Variants in OPCML observed in about 807,000 individuals in gnomAD.
OPCML encodes opioid binding protein/cell adhesion molecule like, also known as opioid-binding protein/cell adhesion molecule.
In OPCML, 13 loss-of-function variants were observed where a neutral mutation model predicts 37.8. The observed-to-expected ratio is 0.34, with a 90% confidence interval of 0.22 to 0.55. The LOEUF is 0.55. Among genes scored for constraint, OPCML ranks in the 20% least tolerant of loss-of-function variants. OPCML has a pLI of 0.91. For missense variants in OPCML, 341 were observed against 435.6 expected (o/e 0.78, Z 1.93); for synonymous variants, 176 against 168.8 (o/e 1.04, Z -0.33).
intron 1 of OPCML, among the ~76,000 whole-genome samples, chr11:133,388,216 A>G (rs1207031913): frequency 6.6e-6 from 1 of 152,232 alleles, no homozygotes; most frequent in Admixed American, 6.5e-5. Flanking sequence ...AACTATAATC[A>G]TGATATGCTA....
At chr11:132,979,793 A>G (rs921189391) in intron 1 of OPCML, among the ~76,000 whole-genome samples, 2 of 152,180 alleles carry the variant, frequency 1.3e-5, no homozygotes, top group African/African-American at 4.8e-5. Context: ...TTTAACCAGG[A>G]GAATTTGCTG....
chr11:132,754,661 A>C (rs1945973150), intron 2 of OPCML, among the ~76,000 whole-genome samples: 1 of 152,148 alleles, frequency 6.6e-6, no homozygotes, highest in Non-Finnish European at 1.5e-5. Context: ...AAAGAGGATA[A>C]GGGGTGATAG....
At position 133,281,628 on chromosome 11, in the gene OPCML, T is replaced by A. The variant is rs186421275; in HGVS notation, c.61+250636A>T. On this transcript the variant is annotated intron_variant, in intron 1 of 7. Transcript: ENST00000524381. ...GCATAGAGATGCCTGAAAATATGAA[T>A]GTAGCTTTGGAACTGGGTAACAAGC... 3.9e-5 allele frequency among the ~76,000 whole-genome samples: 6 copies of A among 152,000 alleles called. No individual in the cohort carries two copies. In the East Asian group the frequency reaches 9.7e-4, roughly 25 times the overall value.
At chr11:132,632,795 G>A (rs920444347) in intron 3 of OPCML, among the ~76,000 whole-genome samples, 3 of 152,036 alleles carry the variant, frequency 2.0e-5, no homozygotes, top group African/African-American at 4.8e-5. Context: ...ACATCTCTGC[G>A]TTCAGCACGG....
intron 1 of OPCML, among the ~76,000 whole-genome samples, chr11:132,960,716 A>C (rs1478015884): frequency 2.6e-5 from 4 of 152,168 alleles, no homozygotes; most frequent in African/African-American, 9.7e-5. Context: ...CTCTCTGTCA[A>C]GATATCCTGC....
chr11:133,081,467 T>C (rs1305303171), intron 1 of OPCML, among the ~76,000 whole-genome samples: 1 of 152,224 alleles, frequency 6.6e-6, no homozygotes, highest in Non-Finnish European at 1.5e-5. Context: ...TGTAAGGAAT[T>C]CGCAAGTGGC....
intron 3 of OPCML, among the ~76,000 whole-genome samples, chr11:132,623,919 C>T (rs1939581604): frequency 6.6e-6 from 1 of 152,226 alleles, no homozygotes; most frequent in Admixed American, 6.5e-5. Context: ...ACACTACACA[C>T]TTGATATTTG....
chr11:133,010,398 G>C (rs1947192819), intron 1 of OPCML, among the ~76,000 whole-genome samples: 1 of 152,222 alleles, frequency 6.6e-6, no homozygotes, highest in Admixed American at 6.5e-5. Context: ...TGCAAGAGGA[G>C]GCAGCTTGGA....
At chr11:132,599,453 AGAG>A (rs1233000030) in intron 3 of OPCML, among the ~76,000 whole-genome samples, 92 of 149,474 alleles carry the variant, frequency 6.2e-4, no homozygotes, top group Admixed American at 1.1e-3. Flanking sequence ...AGGAGGAGGA[AGAG>A]GAGGAGGAGG....
At chr11:133,223,988 T>A (rs973227509) in intron 1 of OPCML, among the ~76,000 whole-genome samples, 1 of 151,868 alleles carries the variant, frequency 6.6e-6, no homozygotes, top group African/African-American at 2.4e-5. Context: ...TTGGCCCGAG[T>A]GTATTTGGGT....
At chr11:132,637,889 C>T (rs892137429) in intron 3 of OPCML, among the ~76,000 whole-genome samples, 4 of 152,020 alleles carry the variant, frequency 2.6e-5, no homozygotes, top group African/African-American at 4.8e-5. Context: ...ATGTCCTGCT[C>T]AGGATAGTCT....
chr11:132,473,379 C>T (rs1015175561), intron 4 of OPCML, among the ~76,000 whole-genome samples: 4 of 152,202 alleles, frequency 2.6e-5, no homozygotes, highest in African/African-American at 7.2e-5. Context: ...GTAAGTGAGG[C>T]AGCCCTACCA....
intron 1 of OPCML, chr11:133,361,547 G>GTTCC (rs1944419183): frequency 6.3e-6 from 1 of 158,034 alleles, no homozygotes; most frequent in African/African-American, 2.4e-5. Context: ...CGCGCAGACA[G>GTTCC]GTCCGGGGCA....
At chr11:133,103,171 G>A (rs1949110682) in intron 1 of OPCML, among the ~76,000 whole-genome samples, 2 of 152,070 alleles carry the variant, frequency 1.3e-5, no homozygotes, top group South Asian at 2.1e-4. Context: ...TTTAACTTAC[G>A]CATTTGCTTA....
At chr11:132,700,310 A>G (rs906310669) in intron 2 of OPCML, among the ~76,000 whole-genome samples, 4 of 151,924 alleles carry the variant, frequency 2.6e-5, no homozygotes, top group African/African-American at 9.7e-5. Context: ...ATCTTCATTA[A>G]TTACTTTCTT....
chr11:132,427,407 A>G (rs1006758474), intron 7 of OPCML, among the ~76,000 whole-genome samples: 1 of 152,228 alleles, frequency 6.6e-6, no homozygotes, highest in Non-Finnish European at 1.5e-5. Flanking sequence ...AGCTATTTTT[A>G]GAGGTGCTGG....
chr11:132,915,811 T>A (rs1221680111), intron 2 of OPCML, among the ~76,000 whole-genome samples: 1 of 152,242 alleles, frequency 6.6e-6, no homozygotes, highest in African/African-American at 2.4e-5. Context: ...TTCTATTGAG[T>A]AATTTATCTT....
At chr11:133,337,793 G>T (rs1420922802) in intron 1 of OPCML, among the ~76,000 whole-genome samples, 2 of 152,140 alleles carry the variant, frequency 1.3e-5, no homozygotes. Flanking sequence ...AATTGCTATA[G>T]AATTTTGCAA....
chr11:132,468,137 T>C (rs1200633330), intron 4 of OPCML, among the ~76,000 whole-genome samples: 1 of 152,234 alleles, frequency 6.6e-6, no homozygotes, highest in Admixed American at 6.5e-5. Flanking sequence ...TTACTCATGC[T>C]TCAGCTCTTG....
Sources: gnomAD v4.1 joint callset for allele counts (sites outside exome capture counted in the v4.1 genomes callset) on GRCh38, gnomAD v4.1.1 for gene constraint, MANE v1.5 for transcripts, NCBI Gene and HGNC (gene_info 2026-07-23, HGNC 2026-07-21) for gene names.